Variants in TARS1 observed in about 807,000 individuals in gnomAD.
TARS1 encodes the protein threonine--tRNA ligase 1, cytoplasmic.
A neutral mutation model predicts 97.7 loss-of-function variants in TARS1; 57 were observed. The observed-to-expected ratio is 0.58, with a 90% confidence interval of 0.47 to 0.73. The LOEUF (loss-of-function observed/expected upper bound fraction) is 0.73, where lower values mean the gene tolerates loss of function less well. Among genes scored for constraint, TARS1 ranks in the 30% least tolerant of loss-of-function variants. The pLI, the probability that TARS1 is intolerant of heterozygous loss-of-function variation, is 0.00. For synonymous variants in TARS1, 312 were observed against 293.7 expected (o/e 1.06, Z -0.64); for missense variants, 806 against 888.3 (o/e 0.91, Z 1.18).
chr5:33,447,165 A>G lies in TARS1; in HGVS notation c.139-1376A>G, dbSNP rs1364224628. Among the ~76,000 whole-genome samples the G allele has an allele frequency of 8.5e-5, 13 of 152,116 alleles. 1 individual carries two copies. ...AACCCTGTCGTTAAAGAATGGAAAG[A>G]AGGAGGGAGGGAAGGAATTACTGGG... On this transcript the variant is annotated intron_variant, in intron 2 of 18. Transcript: ENST00000265112.
At chr5:33,446,284 AC>A (rs761248304) in intron 2 of TARS1, 5 of 269,706 alleles carry the variant, frequency 1.9e-5, no homozygotes, top group Non-Finnish European at 3.7e-5. Flanking sequence ...CATTTATCTT[AC>A]GGCTGATCAG....
In TARS1 at chr5:33,462,216, A is replaced by G. The variant is rs368068045; in HGVS notation, c.1835+13A>G. The G allele has an allele frequency of 4.4e-6, 7 of 1,605,392 alleles. No homozygotes were observed. The highest frequency in any genetic ancestry group is 2.7e-5 in the African/African-American group (2 of 74,718). ...ATGGGGGCAAATGGTAATTTTTGTC[A>G]CTGTCTTTTTTTTCTGATTAGTATA... is the stretch of plus-strand genomic sequence containing the variant. On this transcript the variant is annotated intron_variant, in intron 16 of 18. Transcript: ENST00000265112.
chr5:33,456,274 G>GAT (rs1314540002), intron 8 of TARS1, 47 bp downstream of exon 8: 1 of 1,409,024 alleles, frequency 7.1e-7, no homozygotes, highest in Non-Finnish European at 9.9e-7. Context: ...GTCTAGAATA[G>GAT]ATATATGTTT....
intron 1 of TARS1, chr5:33,441,909 G>C (rs1741121032): frequency 6.6e-6 from 1 of 152,234 alleles, no homozygotes; most frequent in Non-Finnish European, 1.5e-5. Flanking sequence ...ATTGTCTTTC[G>C]GGTTGTTTGC....
intron 3 of TARS1, chr5:33,452,418 C>G (rs747623136): frequency 6.5e-7 from 1 of 1,535,328 alleles, no homozygotes; most frequent in Non-Finnish European, 8.7e-7. Context: ...TCTGGAATGC[C>G]ATGGCCTCCT....
intron 5 of TARS1, 106 bp from the exon 6 acceptor site, chr5:33,455,481 T>C (rs1354607064): frequency 1.5e-6 from 1 of 654,694 alleles, no homozygotes; most frequent in Middle Eastern, 4.4e-4. Flanking sequence ...AATTTTTTAA[T>C]ATTAAAACCC....
At chr5:33,461,331 T>G (rs1472361442) in intron 13 of TARS1, 36 bp downstream of exon 13, 2 of 1,595,440 alleles carry the variant, frequency 1.3e-6, no homozygotes, top group Non-Finnish European at 1.7e-6. Context: ...TTGAATACTG[T>G]TTGAAATTGG....
chr5:33,452,794 A>G (rs1945268757), intron 3 of TARS1, among the ~76,000 whole-genome samples: 1 of 151,456 alleles, frequency 6.6e-6, no homozygotes, highest in Non-Finnish European at 1.5e-5. Flanking sequence ...TTTGGAGTCT[A>G]CATAGCTTAG....
chr5:33,453,608 A>G (rs1298612456), intron 4 of TARS1, among the ~76,000 whole-genome samples, 196 bp downstream of exon 4: 1 of 152,228 alleles, frequency 6.6e-6, no homozygotes, highest in East Asian at 1.9e-4. Flanking sequence ...GTGAAGCTGA[A>G]TAAGTCTTTT....
chr5:33,458,422 G>A, intron 9 of TARS1, 144 bp from the exon 10 acceptor site: 2 of 571,384 alleles, frequency 3.5e-6, no homozygotes, highest in Non-Finnish European at 5.8e-6. Flanking sequence ...ACACTGACAT[G>A]GTTTCTTTGA....
chr5:33,457,026 C>G (rs570229620), intron 8 of TARS1, among the ~76,000 whole-genome samples: 1 of 152,214 alleles, frequency 6.6e-6, no homozygotes, highest in South Asian at 2.1e-4. Flanking sequence ...CTCGAACTCC[C>G]AGGCTCAAGC....
At chr5:33,441,272 ATGG>A (rs1269899072) in intron 1 of TARS1, 129 bp downstream of exon 1, 20 of 1,088,010 alleles carry the variant, frequency 1.8e-5, no homozygotes, top group Non-Finnish European at 2.8e-5. Context: ...GAAGTGGGGG[ATGG>A]TGGGACTCCT....
chr5:33,449,445 C>CTTTTTTTTTT lies in TARS1; in HGVS notation c.329+730_329+739dup, dbSNP rs57691465. Among the ~76,000 whole-genome samples, 72 of 69,164 alleles carry CTTTTTTTTTT rather than the reference C, an allele frequency of 1.0e-3. 4 individuals are homozygous for CTTTTTTTTTT. The highest frequency in any genetic ancestry group is 2.3e-3 in the East Asian group (5 of 2,200). 45.4% of individuals were successfully genotyped at this position (69,164 alleles called of 152,430 possible). On this transcript the variant is annotated intron_variant, in intron 3 of 18. Coordinates refer to ENST00000265112, the MANE Select transcript of TARS1 (RefSeq NM_152295.5). Reference sequence around the variant, plus strand: ...AATAAAAATGATTCTTTTTTTCTTTCTTTTTTTTTTTTTTTTTTTTTTTTT... The same window carrying CTTTTTTTTTT: ...AATAAAAATGATTCTTTTTTTCTTTCTTTTTTTTTTTTTTTTTTTTTTTTTTTTTTTTTTT...
chr5:33,462,040 A>G, intron 15 of TARS1, 34 bp downstream of exon 15: 1 of 1,604,828 alleles, frequency 6.2e-7, no homozygotes, highest in Non-Finnish European at 8.5e-7. Flanking sequence ...AATATTCTCC[A>G]GGGATATATA....
In TARS1 at chr5:33,442,591, C is replaced by A. The variant is rs141561408; in HGVS notation, c.57+1448C>A. 7.1e-3 allele frequency among the ~76,000 whole-genome samples: 1,083 copies of A among 151,958 alleles called. 5 individuals are homozygous for A. The highest frequency in any genetic ancestry group is 0.011 in the Non-Finnish European group (717 of 67,942). ...CGCTCTGTCACTCAGGCTGGAGTGCCGTGGTGCGATCTCGGCTCACTGCAA... is the reference window on the plus strand; with the variant it reads ...CGCTCTGTCACTCAGGCTGGAGTGCAGTGGTGCGATCTCGGCTCACTGCAA... On this transcript the variant is annotated intron_variant, in intron 1 of 18. Transcript: ENST00000265112.
intron 1 of TARS1, among the ~76,000 whole-genome samples, chr5:33,443,515 TG>T (rs1463865861): frequency 6.8e-6 from 1 of 146,850 alleles, no homozygotes. Flanking sequence ...GTTGTTGAAA[TG>T]GAGTCTTGCT....
At position 33,452,575 on chromosome 5, in the gene TARS1, A is replaced by G. The variant is rs539066833; in HGVS notation, c.330-714A>G. On this transcript the variant is annotated intron_variant, in intron 3 of 18. Coordinates refer to ENST00000265112, the MANE Select transcript of TARS1 (RefSeq NM_152295.5). ...GATGATACTTTATGTTCGATGTTGT[A>G]TATTGGGTGTGTAATGTTTTTACTC... The G allele has an allele frequency of 7.7e-6, 5 of 650,368 alleles. No homozygotes were observed. In the African/African-American group the frequency reaches 9.1e-5, roughly 12 times the overall value. 40.3% of individuals were successfully genotyped at this position (650,368 alleles called of 1,614,324 possible).
At chr5:33,458,274 G>A (rs1742125380) in intron 9 of TARS1, among the ~76,000 whole-genome samples, 1 of 152,180 alleles carries the variant, frequency 6.6e-6, no homozygotes, top group Admixed American at 6.5e-5. Flanking sequence ...GTACTGCAGT[G>A]GATAGTTAAA....
intron 16 of TARS1, 54 bp downstream of exon 16, chr5:33,462,257 A>G: frequency 2.0e-6 from 3 of 1,489,256 alleles, no homozygotes; most frequent in South Asian, 1.2e-5. Context: ...GCTACAAGAA[A>G]TGTCTACTTT....
Sources: gnomAD v4.1 joint callset for allele counts (sites outside exome capture counted in the v4.1 genomes callset) on GRCh38, gnomAD v4.1.1 for gene constraint, MANE v1.5 for transcripts, NCBI Gene and HGNC (gene_info 2026-07-23, HGNC 2026-07-21) for gene names.